The following RBFOX1 variants were observed in gnomAD, a reference collection of about 807,000 sequenced individuals.
RBFOX1 encodes RNA binding protein fox-1 homolog 1.
RBFOX1 carries 8 observed loss-of-function variants against 57.7 expected under a neutral mutation model. The observed-to-expected ratio is 0.14, with a 90% CI of 0.08 to 0.25. RBFOX1 has a LOEUF of 0.25. RBFOX1 is among the 10% of genes least tolerant of loss of function. The pLI, the probability that RBFOX1 is intolerant of heterozygous loss-of-function variation, is 1.00. For missense variants in RBFOX1, 611 were observed against 548.5 expected (o/e 1.11, Z -1.14); for synonymous variants, 326 against 222.4 (o/e 1.47, Z -4.15).
rs781236600 is a variant in RBFOX1, at chr16:6,511,236, T to A, written c.-63-143367T>A. ...TGTGATACTCTGATACTCAGATGTGTTGGTGCCCCCATAAAAGGGGTTCAC... is the reference window on the plus strand; with the variant it reads ...TGTGATACTCTGATACTCAGATGTGATGGTGCCCCCATAAAAGGGGTTCAC... On this transcript the variant is annotated intron_variant, in intron 2 of 15. Coordinates refer to ENST00000550418, the MANE Select transcript of RBFOX1 (RefSeq NM_018723.4). Among the ~76,000 whole-genome samples, 12 of 152,290 alleles carry A rather than the reference T, an allele frequency of 7.9e-5. No homozygotes were observed. In the South Asian group the frequency reaches 1.0e-3, roughly 13 times the overall value.
chr16:5,526,927 G>A (rs1284112190), intron 2 of RBFOX1, among the ~76,000 whole-genome samples: 2 of 152,172 alleles, frequency 1.3e-5, no homozygotes, highest in Non-Finnish European at 2.9e-5. Flanking sequence ...CTAACCCTTG[G>A]TTTCCTCTTA....
chr16:5,324,350 C>G (rs1431742862), intron 1 of RBFOX1, among the ~76,000 whole-genome samples: 1 of 152,168 alleles, frequency 6.6e-6, no homozygotes, highest in Admixed American at 6.5e-5. Flanking sequence ...GTAATCCCAG[C>G]TACTCAGGAG....
At chr16:7,574,396 C>T (rs2093105505) in intron 5 of RBFOX1, among the ~76,000 whole-genome samples, 2 of 152,116 alleles carry the variant, frequency 1.3e-5, no homozygotes, top group South Asian at 4.1e-4. Context: ...AAGGTGAAGT[C>T]CCACAATAGG....
intron 3 of RBFOX1, among the ~76,000 whole-genome samples, chr16:6,889,406 C>G (rs1375712070): frequency 2.0e-5 from 3 of 152,288 alleles, no homozygotes; most frequent in East Asian, 1.9e-4. Context: ...CATATGACGG[C>G]TCTGTCAACT....
chr16:5,580,555 G>A (rs2046630592), intron 2 of RBFOX1, among the ~76,000 whole-genome samples: 1 of 152,194 alleles, frequency 6.6e-6, no homozygotes, highest in Non-Finnish European at 1.5e-5. Flanking sequence ...TGAGGTGCCA[G>A]CTCCAGCTGG....
At chr16:7,341,792 T>TCCCTCCC (rs2096902056) in intron 4 of RBFOX1, among the ~76,000 whole-genome samples, 1 of 76,638 alleles carries the variant, frequency 1.3e-5, no homozygotes, top group Non-Finnish European at 2.7e-5. Flanking sequence ...CCTTCCTTCC[T>TCCCTCCC]TCCTTCCTTC....
intron 3 of RBFOX1, among the ~76,000 whole-genome samples, chr16:5,724,251 G>C (rs1165223965): frequency 6.6e-6 from 1 of 152,244 alleles, no homozygotes; most frequent in Non-Finnish European, 1.5e-5. Flanking sequence ...AATAAAACCT[G>C]TGTCTGGGGT....
At chr16:6,680,637 A>G (rs1272500140) in intron 3 of RBFOX1, among the ~76,000 whole-genome samples, 5 of 152,122 alleles carry the variant, frequency 3.3e-5, no homozygotes, top group Non-Finnish European at 7.3e-5. Flanking sequence ...TAAAGTTTCA[A>G]TTTTATACTC....
At chr16:7,266,207 C>A (rs534561080) in intron 4 of RBFOX1, among the ~76,000 whole-genome samples, 1 of 134,450 alleles carries the variant, frequency 7.4e-6, no homozygotes, top group Non-Finnish European at 1.7e-5. Context: ...GATCTCCTGA[C>A]CTCGTGACCC....
intron 2 of RBFOX1, among the ~76,000 whole-genome samples, chr16:6,569,113 A>G (rs929674828): frequency 3.3e-5 from 5 of 152,172 alleles, no homozygotes; most frequent in Admixed American, 2.0e-4. Context: ...CCAGCTTTGA[A>G]TACTCTCTCT....
intron 3 of RBFOX1, among the ~76,000 whole-genome samples, chr16:7,031,624 G>C (rs370165621): frequency 3.3e-5 from 5 of 151,766 alleles, no homozygotes; most frequent in African/African-American, 1.2e-4. Flanking sequence ...GAAAAGAAAA[G>C]AAAGGCAATG....
In RBFOX1 at chr16:5,549,517, C is replaced by T. The variant is rs188813978; in HGVS notation, c.259-49385C>T. 2.4e-3 allele frequency among the ~76,000 whole-genome samples: 372 copies of T among 152,136 alleles called. 3 individuals carry two copies. Among genetic ancestry groups the T allele is most frequent in the African/African-American group, 8.5e-3 (352 of 41,492 alleles). ...AGTAAGATATTTAGATAGGCAGATA[C>T]GATAAAGGGGAAGATGATACAGTCA... On this transcript the variant is annotated intron_variant, in intron 2 of 2. Transcript: ENST00000585867.
At chr16:5,928,328 C>A (rs2058977095) in intron 4 of RBFOX1, among the ~76,000 whole-genome samples, 1 of 151,736 alleles carries the variant, frequency 6.6e-6, no homozygotes, top group East Asian at 1.9e-4. Flanking sequence ...AATGATCCTC[C>A]AGCCCCTGCC....
chr16:6,494,179 G>A (rs1313725381), intron 2 of RBFOX1, among the ~76,000 whole-genome samples: 5 of 152,036 alleles, frequency 3.3e-5, no homozygotes, highest in Non-Finnish European at 5.9e-5. Flanking sequence ...ACATCGTATC[G>A]AGGATACTGG....
chr16:7,506,812 A>G (rs2073470124), intron 4 of RBFOX1, among the ~76,000 whole-genome samples: 1 of 152,146 alleles, frequency 6.6e-6, no homozygotes, highest in African/African-American at 2.4e-5. Context: ...TGATCTGCCA[A>G]AGGTACCATA....
intron 1 of RBFOX1, among the ~76,000 whole-genome samples, chr16:5,345,885 A>T (rs1349871407): frequency 6.6e-6 from 1 of 152,198 alleles, no homozygotes; most frequent in African/African-American, 2.4e-5. Flanking sequence ...ATTTTAGGAT[A>T]GGTTCACCCT....
At chr16:5,943,580 C>G (rs2059325548) in intron 4 of RBFOX1, among the ~76,000 whole-genome samples, 1 of 152,190 alleles carries the variant, frequency 6.6e-6, no homozygotes, top group African/African-American at 2.4e-5. Context: ...CTTTATGTCA[C>G]TAACTCTTTG....
intron 4 of RBFOX1, among the ~76,000 whole-genome samples, chr16:7,230,380 T>G (rs1044510615): frequency 6.6e-6 from 1 of 152,174 alleles, no homozygotes. Context: ...GCCTCAGTTT[T>G]GGCTTAACAT....
At chr16:6,851,701 C>G (rs1301538394) in intron 3 of RBFOX1, among the ~76,000 whole-genome samples, 5 of 152,044 alleles carry the variant, frequency 3.3e-5, no homozygotes, top group Non-Finnish European at 7.4e-5. Context: ...AATTTCAATG[C>G]CAGGCAAAGG....
Sources: gnomAD v4.1 joint callset for allele counts (sites outside exome capture counted in the v4.1 genomes callset) on GRCh38, gnomAD v4.1.1 for gene constraint, MANE v1.5 for transcripts, NCBI Gene and HGNC (gene_info 2026-07-23, HGNC 2026-07-21) for gene names.